WRN: variants seen among roughly 807,000 people sequenced by gnomAD.
WRN encodes bifunctional 3'-5' exonuclease/ATP-dependent helicase WRN.
In WRN, 149 loss-of-function variants were observed where a neutral mutation model predicts 180.7. The ratio of observed to expected loss-of-function variants is 0.82; its 90% CI spans 0.72 to 0.94. The LOEUF is 0.94. Among genes scored for constraint, WRN ranks in the 40% least tolerant of loss-of-function variants. The pLI is 0.00. For synonymous variants in WRN, 548 were observed against 568.9 expected, an observed-to-expected ratio of 0.96 and a Z score of 0.52; for missense variants, 1,661 against 1,700.1, an observed-to-expected ratio of 0.98 and a Z score of 0.40.
chr8:31,087,909 A>G lies in WRN; in HGVS notation c.1565A>G (p.Asp522Gly), dbSNP rs1484276133. 23 of 1,613,156 alleles carry G rather than the reference A, an allele frequency of 1.4e-5. No homozygotes were observed. The highest frequency in any genetic ancestry group is 5.3e-5 in the African/African-American group (4 of 74,920). ...DENEANEGEE[D>G]DDKDFLWPAP... ...AATGAAGCTAATGAAGGGGAAGAAG[A>G]TGATGATAAGGGTAAGCACTGAAGT... Residue 522 changes from aspartate to glycine, a missense_variant, in exon 12 of 35, where the codon GAT (aspartate) becomes GGT (glycine). By Grantham distance (94) the Asp-to-Gly change is moderately conservative. Coordinates refer to ENST00000298139, the MANE Select transcript of WRN (RefSeq NM_000553.6).
intron 24 of WRN, 141 bp downstream of exon 24, chr8:31,132,647 T>C: frequency 8.6e-7 from 1 of 1,161,362 alleles, no homozygotes; most frequent in Non-Finnish European, 1.2e-6. Context: ...TAAGTTCCAG[T>C]TAAACACTAC....
At chr8:31,100,567 T>C (rs1814183063) in intron 17 of WRN, among the ~76,000 whole-genome samples, 1 of 152,180 alleles carries the variant, frequency 6.6e-6, no homozygotes, top group Non-Finnish European at 1.5e-5. Context: ...GCAATTCATC[T>C]CTCCAAGGAA....
In WRN at chr8:31,065,046, G is replaced by C. The variant is rs368717487; in HGVS notation, c.487G>C (p.Asp163His). 1 of 1,613,340 alleles carries C rather than the reference G, an allele frequency of 6.2e-7. No homozygotes were observed. The highest frequency in any genetic ancestry group is 1.3e-5 in the African/African-American group (1 of 75,024). Residue 163 changes from aspartate to histidine, a missense_variant, in exon 5 of 35, where the codon GAT becomes CAT. Asp to His is a moderately conservative substitution (Grantham distance 81). Coordinates refer to ENST00000298139, the MANE Select transcript of WRN (RefSeq NM_000553.6). Reference protein sequence around the residue: ...IKLKNFVELTDVANKKLKCTE... With the variant: ...IKLKNFVELTHVANKKLKCTE... Reference sequence around the variant, plus strand: ...ATTGAAGAATTTTGTGGAGTTGACAGATGTTGCCAATAAAAAGGTAAAAGC... The same window carrying C: ...ATTGAAGAATTTTGTGGAGTTGACACATGTTGCCAATAAAAAGGTAAAAGC...
chr8:31,169,902 A>G (rs1804040059), intron 34 of WRN, among the ~76,000 whole-genome samples: 1 of 152,140 alleles, frequency 6.6e-6, no homozygotes, highest in Admixed American at 6.6e-5. Context: ...TTCACCTAAG[A>G]GACCACTGTG....
intron 34 of WRN, among the ~76,000 whole-genome samples, chr8:31,169,205 A>AT (rs1200502502): frequency 6.6e-6 from 1 of 150,740 alleles, no homozygotes; most frequent in African/African-American, 2.4e-5. Flanking sequence ...TTCTCTTTAA[A>AT]TTTTTTTCTT....
In WRN at chr8:31,085,215, G is replaced by T. The variant is rs1208825397; in HGVS notation, c.1400G>T (p.Ser467Ile). The change falls in exon 11 of 35, where the codon AGT becomes ATT. Residue 467 changes from serine to isoleucine, a missense_variant. Ser to Ile is a moderately radical substitution (Grantham distance 142). Coordinates refer to ENST00000298139, the MANE Select transcript of WRN (RefSeq NM_000553.6). ...AACGATACGTCCTATGTAATTGAGA[G>T]TGATGAAGATTTAGAAATGGAGATG... is the stretch of plus-strand genomic sequence containing the variant. The part of the protein sequence containing the change: ...NENDTSYVIE[S>I]DEDLEMEMLK... 6.2e-7 allele frequency: 1 copy of T among 1,612,660 alleles called. No individual in the cohort carries two copies. The highest frequency in any genetic ancestry group is 1.7e-5 in the Admixed American group (1 of 59,942).
intron 7 of WRN, among the ~76,000 whole-genome samples, 189 bp from the exon 8 acceptor site, chr8:31,075,984 A>G (rs768857834): frequency 6.6e-6 from 1 of 152,162 alleles, no homozygotes; most frequent in Non-Finnish European, 1.5e-5. Context: ...TTAAATGTAA[A>G]CAGTAAAAAT....
chr8:31,165,972 A>G (rs1803841678), intron 33 of WRN, among the ~76,000 whole-genome samples: 1 of 149,752 alleles, frequency 6.7e-6, no homozygotes, highest in Non-Finnish European at 1.5e-5. Context: ...TAAGATTTTG[A>G]AACTTTAATT....
intron 1 of WRN, among the ~76,000 whole-genome samples, chr8:31,048,565 A>G (rs1327710020): frequency 1.3e-5 from 2 of 152,218 alleles, no homozygotes; most frequent in African/African-American, 4.8e-5. Flanking sequence ...ATTAGTTACT[A>G]GTATATACGT....
intron 24 of WRN, among the ~76,000 whole-genome samples, chr8:31,139,447 A>G (rs1166079986): frequency 6.6e-6 from 1 of 152,238 alleles, no homozygotes; most frequent in African/African-American, 2.4e-5. Flanking sequence ...GGCTTATAAT[A>G]TTGTTGACAA....
At chr8:31,103,453 A>G (rs1459225139) in intron 18 of WRN, among the ~76,000 whole-genome samples, 2 of 152,212 alleles carry the variant, frequency 1.3e-5, no homozygotes, top group African/African-American at 4.8e-5. Context: ...TATGCTGGCT[A>G]TGACATCACT....
Position 31,074,078 on chromosome 8 carries a change from G to A in WRN, c.725-2095G>A, listed in dbSNP as rs927926952. ...ACTACGGGTGCCCGCCACCATGCCC[G>A]GCTAATTTTTTTTTTTTTTTGTATT... is the stretch of plus-strand genomic sequence containing the variant. On this transcript the variant is annotated intron_variant, in intron 7 of 34. Transcript: ENST00000298139. Among the ~76,000 whole-genome samples, 10 of 151,072 alleles carry A rather than the reference G, an allele frequency of 6.6e-5. No individual in the cohort carries two copies. The South Asian group carries it at 1.7e-3, about 26-fold the overall frequency.
At chr8:31,102,805 A>T (rs1800934406) in intron 18 of WRN, among the ~76,000 whole-genome samples, 1 of 152,110 alleles carries the variant, frequency 6.6e-6, no homozygotes, top group South Asian at 2.1e-4. Flanking sequence ...CTAAATTTTT[A>T]AAATTTTCTT....
At chr8:31,153,407 G>A (rs1803220025) in intron 31 of WRN, among the ~76,000 whole-genome samples, 2 of 152,126 alleles carry the variant, frequency 1.3e-5, no homozygotes, top group Admixed American at 1.3e-4. Flanking sequence ...TACCCATTTT[G>A]TCTTGGTGGG....
chr8:31,081,728 G>A (rs1474040202), intron 9 of WRN, among the ~76,000 whole-genome samples: 1 of 151,740 alleles, frequency 6.6e-6, no homozygotes, highest in African/African-American at 2.4e-5. Flanking sequence ...ATTTTTGGGG[G>A]TGTATTTTAT....
At chr8:31,097,332 C>A (rs7830238) in intron 17 of WRN, among the ~76,000 whole-genome samples, 2,080 of 152,110 alleles carry the variant, frequency 0.014, 42 homozygotes, top group African/African-American at 0.047. Flanking sequence ...ATGTAGGTAA[C>A]CAACACCCAA....
intron 33 of WRN, among the ~76,000 whole-genome samples, chr8:31,165,141 G>A (rs1803802263): frequency 6.6e-6 from 1 of 151,952 alleles, no homozygotes; most frequent in Non-Finnish European, 1.5e-5. Context: ...ATTCAAAAGA[G>A]AATAAAATAT....
At chr8:31,064,007 C>G (rs1248521576) in intron 3 of WRN, among the ~76,000 whole-genome samples, 7 of 152,144 alleles carry the variant, frequency 4.6e-5, no homozygotes, top group African/African-American at 2.4e-5. Context: ...CAGGGGTAAA[C>G]CACCATACCT....
intron 24 of WRN, among the ~76,000 whole-genome samples, chr8:31,132,789 A>G (rs897508953): frequency 6.6e-6 from 1 of 152,206 alleles, no homozygotes; most frequent in African/African-American, 2.4e-5. Context: ...GTGAATCCCT[A>G]GACTAGTCTT....
Sources: gnomAD v4.1 joint callset for allele counts (sites outside exome capture counted in the v4.1 genomes callset) on GRCh38, gnomAD v4.1.1 for gene constraint, MANE v1.5 for transcripts, NCBI Gene and HGNC (gene_info 2026-07-23, HGNC 2026-07-21) for gene names.